The following DRC11 variants were observed in gnomAD, a reference collection of about 807,000 sequenced individuals.
DRC11 encodes dynein regulatory complex subunit 11, also known as IQ and AAA domain-containing protein 1.
the DRC11 span, among the ~76,000 whole-genome samples, chr2:236,463,225 T>G: frequency 6.6e-6 from 1 of 152,212 alleles, no homozygotes; most frequent in African/African-American, 2.4e-5. This position sits in a 1 kb window ranked among gnomAD's most constrained non-coding sequence, Gnocchi z 5.0. Context: ...TTATAAGTTT[T>G]GACAAATGTA....
the DRC11 span, among the ~76,000 whole-genome samples, chr2:236,489,864 A>G: frequency 6.6e-6 from 1 of 152,338 alleles, no homozygotes; most frequent in African/African-American, 2.4e-5. Context: ...ATTGGAGGCT[A>G]CAATAAGCTA....
the DRC11 span, chr2:236,455,020 C>T: frequency 6.6e-6 from 1 of 152,240 alleles, no homozygotes; most frequent in Non-Finnish European, 1.5e-5. The surrounding 1 kb of genome is among the most constrained non-coding windows in gnomAD (Gnocchi z 5.7). Context: ...CTTTTAACTA[C>T]ACAGAACCAT....
chr2:236,411,374 A>G, the DRC11 span, among the ~76,000 whole-genome samples: 3 of 150,378 alleles, frequency 2.0e-5, no homozygotes, highest in African/African-American at 7.3e-5. Flanking sequence ...TAGAATGGCA[A>G]TCATTAAAAA....
chr2:236,422,175 A>C, the DRC11 span, among the ~76,000 whole-genome samples: 61 of 152,284 alleles, frequency 4.0e-4, no homozygotes, highest in East Asian at 8.5e-3. Context: ...CTCACCACTC[A>C]TATTCAACAT....
chr2:236,378,626 G>A, the DRC11 span, among the ~76,000 whole-genome samples: 1 of 151,078 alleles, frequency 6.6e-6, no homozygotes, highest in Non-Finnish European at 1.5e-5. Context: ...AGTGAGCTGA[G>A]ATGGCGCAAG....
the DRC11 span, among the ~76,000 whole-genome samples, chr2:236,317,843 G>A: frequency 6.6e-6 from 1 of 152,176 alleles, no homozygotes; most frequent in African/African-American, 2.4e-5. The surrounding 1 kb of genome is among the most constrained non-coding windows in gnomAD (Gnocchi z 5.4). Flanking sequence ...TCTATCTGAA[G>A]AACAAGAGGA....
At chr2:236,501,053 G>A in the DRC11 span, among the ~76,000 whole-genome samples, 1 of 152,252 alleles carries the variant, frequency 6.6e-6, no homozygotes, top group African/African-American at 2.4e-5. Context: ...TCCACAGGCT[G>A]TACAGGAAGC....
chr2:236,465,770 T>C, the DRC11 span: 1 of 1,019,336 alleles, frequency 9.8e-7, no homozygotes, highest in Non-Finnish European at 1.5e-6. The surrounding 1 kb of genome is among the most constrained non-coding windows in gnomAD (Gnocchi z 6.2). Flanking sequence ...TTGGTAAAAA[T>C]ATCAGAAACT....
the DRC11 span, among the ~76,000 whole-genome samples, chr2:236,464,164 C>A: frequency 6.6e-6 from 1 of 152,226 alleles, no homozygotes; most frequent in South Asian, 2.1e-4. Context: ...GGAAGTGTTA[C>A]TAGGTATAGC....
At chr2:236,335,884 G>A in the DRC11 span, among the ~76,000 whole-genome samples, 1 of 151,906 alleles carries the variant, frequency 6.6e-6, no homozygotes, top group East Asian at 1.9e-4. This position sits in a 1 kb window ranked among gnomAD's most constrained non-coding sequence, Gnocchi z 5.6. Context: ...CCCGTCTTGC[G>A]CTGTCTCCTT....
chr2:236,336,597 CCAT>C, the DRC11 span, among the ~76,000 whole-genome samples: 6 of 152,128 alleles, frequency 3.9e-5, no homozygotes, highest in Admixed American at 6.5e-5. This position sits in a 1 kb window ranked among gnomAD's most constrained non-coding sequence, Gnocchi z 7.3. Context: ...ACCCACACCA[CCAT>C]CAACACAGTC....
the DRC11 span, chr2:236,331,476 G>T: frequency 6.2e-7 from 1 of 1,613,902 alleles, no homozygotes; most frequent in Non-Finnish European, 8.5e-7. This position sits in a 1 kb window ranked among gnomAD's most constrained non-coding sequence, Gnocchi z 4.8. Flanking sequence ...CTGTGAGCAC[G>T]CCTTTAACCA....
chr2:236,359,214 T>C, the DRC11 span, among the ~76,000 whole-genome samples: 1 of 151,964 alleles, frequency 6.6e-6, no homozygotes, highest in Non-Finnish European at 1.5e-5. This position sits in a 1 kb window ranked among gnomAD's most constrained non-coding sequence, Gnocchi z 4.3. Context: ...TATAGTAGAC[T>C]ATATATACTA....
At chr2:236,491,188 GTATATA>G in the DRC11 span, among the ~76,000 whole-genome samples, 51 of 24,748 alleles carry the variant, frequency 2.1e-3, 1 homozygote, top group African/African-American at 3.1e-3. Flanking sequence ...TATACACACA[GTATATA>G]TATATATATA....
At chr2:236,338,252 T>G in the DRC11 span, 7 of 1,613,920 alleles carry the variant, frequency 4.3e-6, no homozygotes, top group African/African-American at 9.3e-5. Context: ...AATTTTCTGG[T>G]AAACTTTGCA....
the DRC11 span, chr2:236,493,997 C>A: frequency 1.1e-6 from 1 of 900,346 alleles, no homozygotes; most frequent in Non-Finnish European, 1.5e-6. Context: ...TGCTTTACTT[C>A]CCATTTTCAT....
the DRC11 span, among the ~76,000 whole-genome samples, chr2:236,318,823 C>G: frequency 6.6e-6 from 1 of 152,140 alleles, no homozygotes; most frequent in African/African-American, 2.4e-5. This position sits in a 1 kb window ranked among gnomAD's most constrained non-coding sequence, Gnocchi z 7.0. Flanking sequence ...CCCAGCCCAG[C>G]GAGCTTTCCA....
chr2:236,505,653 C>T, the DRC11 span, among the ~76,000 whole-genome samples: 683 of 152,256 alleles, frequency 4.5e-3, 27 homozygotes, highest in East Asian at 0.076. Flanking sequence ...CTACCATGAT[C>T]GTTCCAGGCC....
the DRC11 span, among the ~76,000 whole-genome samples, chr2:236,431,755 A>C: frequency 2.6e-4 from 39 of 152,208 alleles, no homozygotes. The surrounding 1 kb of genome is among the most constrained non-coding windows in gnomAD (Gnocchi z 4.2). Context: ...AGCATGTATC[A>C]GTTGTGTGTT....
Sources: allele counts gnomAD v4.1 joint callset (sites outside exome capture counted in the v4.1 genomes callset), GRCh38; gene constraint gnomAD v4.1.1; non-coding constraint Gnocchi (gnomAD v3.1); transcripts MANE v1.5; gene names NCBI Gene and HGNC (gene_info 2026-07-23, HGNC 2026-07-21).